CNTNAP5: variants seen among roughly 807,000 people sequenced by gnomAD.
The protein encoded by CNTNAP5 is contactin associated protein family member 5.
Under a neutral mutation model 150.2 loss-of-function variants are expected in CNTNAP5, and 72 were observed. That is an observed-to-expected ratio of 0.48 (90% confidence interval 0.40 to 0.58). The LOEUF is 0.58. CNTNAP5 is among the 20% of genes least tolerant of loss of function. The pLI is 0.00. For missense variants in CNTNAP5, 1,636 were observed against 1,626.2 expected, an observed-to-expected ratio of 1.01 and a Z score of -0.10; for synonymous variants, 672 against 619.8, an observed-to-expected ratio of 1.08 and a Z score of -1.25.
At chr2:124,651,542 A>C (rs2105031780) in intron 13 of CNTNAP5, among the ~76,000 whole-genome samples, 1 of 152,332 alleles carries the variant, frequency 6.6e-6, no homozygotes, top group East Asian at 1.9e-4. Context: ...CAGAGAGAAT[A>C]AGATGCTTGT....
intron 13 of CNTNAP5, among the ~76,000 whole-genome samples, chr2:124,694,156 A>G (rs1216601402): frequency 6.6e-6 from 1 of 152,204 alleles, no homozygotes; most frequent in African/African-American, 2.4e-5. Context: ...TGACCTACTC[A>G]GTAAGTTTCT....
chr2:124,609,944 A>C, intron 12 of CNTNAP5, 24 bp downstream of exon 12: 1 of 1,590,708 alleles, frequency 6.3e-7, no homozygotes, highest in Non-Finnish European at 8.6e-7. Flanking sequence ...AGCCCTACTC[A>C]CACTTAACCA....
intron 12 of CNTNAP5, among the ~76,000 whole-genome samples, chr2:124,643,705 C>T (rs1288264391): frequency 6.6e-6 from 1 of 152,164 alleles, no homozygotes; most frequent in South Asian, 2.1e-4. Flanking sequence ...AGTCTATGTG[C>T]ACCAAATCAT....
At chr2:124,570,634 G>A (rs1696131004) in intron 11 of CNTNAP5, among the ~76,000 whole-genome samples, 1 of 152,076 alleles carries the variant, frequency 6.6e-6, no homozygotes, top group Admixed American at 6.5e-5. Flanking sequence ...TAATGGTGAT[G>A]GTGCTTTGGA....
chr2:124,679,522 G>A (rs1679017910), intron 13 of CNTNAP5, among the ~76,000 whole-genome samples: 2 of 151,668 alleles, frequency 1.3e-5, no homozygotes, highest in Non-Finnish European at 2.9e-5. Context: ...ATTATGATAA[G>A]TGACAGAGTT....
intron 2 of CNTNAP5, among the ~76,000 whole-genome samples, chr2:124,234,135 A>G (rs1686689886): frequency 6.6e-6 from 1 of 152,144 alleles, no homozygotes; most frequent in Admixed American, 6.6e-5. Flanking sequence ...CATATGCCTA[A>G]AAACAGGAAC....
intron 1 of CNTNAP5, among the ~76,000 whole-genome samples, chr2:124,164,652 G>A (rs1272747658): frequency 6.6e-6 from 1 of 152,114 alleles, no homozygotes; most frequent in East Asian, 1.9e-4. Context: ...TAAAGTGATT[G>A]GAAATACGGA....
At chr2:124,733,255 T>C (rs970842419) in intron 13 of CNTNAP5, among the ~76,000 whole-genome samples, 1 of 152,060 alleles carries the variant, frequency 6.6e-6, no homozygotes, top group Non-Finnish European at 1.5e-5. Flanking sequence ...TGATATTGTA[T>C]AAAGAAATTG....
At chr2:124,270,145 G>A (rs528994930) in intron 3 of CNTNAP5, among the ~76,000 whole-genome samples, 5 of 152,022 alleles carry the variant, frequency 3.3e-5, no homozygotes, top group East Asian at 1.9e-4. Context: ...GTGAAACCCC[G>A]TCTCTACTAA....
At chr2:124,832,257 T>C (rs1349405620) in intron 19 of CNTNAP5, among the ~76,000 whole-genome samples, 1 of 152,148 alleles carries the variant, frequency 6.6e-6, no homozygotes, top group Non-Finnish European at 1.5e-5. Context: ...TTAAGTCACA[T>C]GAACTGGAAA....
At chr2:124,876,874 T>C (rs1677871250) in intron 21 of CNTNAP5, among the ~76,000 whole-genome samples, 1 of 152,076 alleles carries the variant, frequency 6.6e-6, no homozygotes, top group Non-Finnish European at 1.5e-5. Flanking sequence ...GTTAATCTAA[T>C]TTGACCTTCC....
intron 19 of CNTNAP5, among the ~76,000 whole-genome samples, chr2:124,823,625 C>T (rs1682534797): frequency 6.6e-6 from 1 of 152,188 alleles, no homozygotes; most frequent in African/African-American, 2.4e-5. Context: ...CCTTATCACA[C>T]TAAAGAGTTG....
intron 17 of CNTNAP5, among the ~76,000 whole-genome samples, chr2:124,780,309 C>G (rs1388292248): frequency 1.3e-5 from 2 of 152,172 alleles, no homozygotes; most frequent in African/African-American, 2.4e-5. Context: ...TAATGAGACA[C>G]TCCTTTTGGA....
intron 14 of CNTNAP5, among the ~76,000 whole-genome samples, chr2:124,749,864 A>T (rs1379697538): frequency 2.0e-5 from 3 of 152,096 alleles, no homozygotes; most frequent in Admixed American, 6.5e-5. Context: ...ATTACTGCAC[A>T]CTGAGGGGCA....
chr2:124,158,139 G>A (rs1684588579), intron 1 of CNTNAP5, among the ~76,000 whole-genome samples: 1 of 152,138 alleles, frequency 6.6e-6, no homozygotes, highest in Non-Finnish European at 1.5e-5. Context: ...TTCCTGAGAT[G>A]ATGAATTTTC....
chr2:124,761,534 T>C (rs1393680710), intron 14 of CNTNAP5, among the ~76,000 whole-genome samples: 1 of 152,126 alleles, frequency 6.6e-6, no homozygotes, highest in African/African-American at 2.4e-5. Context: ...TAGCATAATT[T>C]CCTGTTGCTA....
At chr2:124,187,779 C>T (rs182080038) in intron 1 of CNTNAP5, among the ~76,000 whole-genome samples, 1 of 152,302 alleles carries the variant, frequency 6.6e-6, no homozygotes, top group Admixed American at 6.5e-5. Flanking sequence ...GCTTCAAGTT[C>T]AACTTCCCTT....
intron 19 of CNTNAP5, among the ~76,000 whole-genome samples, chr2:124,846,246 T>C: frequency 6.6e-6 from 1 of 152,122 alleles, no homozygotes; most frequent in Non-Finnish European, 1.5e-5. Context: ...AGAATTTTCA[T>C]CTTGATTTCA....
At chr2:124,031,442 G>A (rs1348067752) in intron 1 of CNTNAP5, among the ~76,000 whole-genome samples, 1 of 152,114 alleles carries the variant, frequency 6.6e-6, no homozygotes, top group Non-Finnish European at 1.5e-5. Flanking sequence ...TTTGAAACAA[G>A]TACAACTCAT....
Sources: allele counts gnomAD v4.1 joint callset (sites outside exome capture counted in the v4.1 genomes callset), GRCh38; gene constraint gnomAD v4.1.1; transcripts MANE v1.5; gene names NCBI Gene and HGNC (gene_info 2026-07-23, HGNC 2026-07-21).